Variants in FOXP4 observed in about 807,000 individuals in gnomAD.
FOXP4 encodes forkhead box P4.
Under a neutral mutation model 82.6 loss-of-function variants are expected in FOXP4, and 25 were observed. The ratio of observed to expected loss-of-function variants is 0.30; its 90% CI spans 0.22 to 0.42. The LOEUF is 0.42. FOXP4 is among the 10% of genes least tolerant of loss of function. The probability of loss-of-function intolerance (pLI) is 1.00; values close to 1 mark genes in which losing one functional copy is unlikely to be tolerated. For missense variants in FOXP4, 785 were observed against 900.9 expected, an observed-to-expected ratio of 0.87 and a Z score of 1.65; for synonymous variants, 415 against 388.2, an observed-to-expected ratio of 1.07 and a Z score of -0.81.
chr6:41,562,130 G>A (rs1329830180), intron 1 of FOXP4, among the ~76,000 whole-genome samples: 1 of 152,230 alleles, frequency 6.6e-6, no homozygotes, highest in African/African-American at 2.4e-5. Context: ...ACATGAGGCT[G>A]CTGGTGTGCT....
At chr6:41,556,559 T>C (rs867356164) in intron 1 of FOXP4, among the ~76,000 whole-genome samples, 11 of 152,198 alleles carry the variant, frequency 7.2e-5, no homozygotes, top group Middle Eastern at 3.4e-3. Context: ...CTCCTGACCT[T>C]GTGATCTGCC....
chr6:41,577,867 C>A (rs182686468), intron 2 of FOXP4, 119 bp from the exon 3 acceptor site: 2 of 669,036 alleles, frequency 3.0e-6, no homozygotes, highest in South Asian at 1.8e-5. Flanking sequence ...ATGACCCTCT[C>A]ACCCCCAAGA....
In FOXP4 at chr6:41,593,123, A is replaced by G. The variant is rs1766611576; in HGVS notation, c.1537-1747A>G. On this transcript the variant is annotated intron_variant, in intron 13 of 16. Coordinates refer to ENST00000307972, the MANE Select transcript of FOXP4 (RefSeq NM_001012426.2). The surrounding 1 kb of genome is among the most constrained non-coding windows in gnomAD (Gnocchi z 4.1). ...TGGTTTTTTTCAGCCAAATGCATTCATGTTACTTGGGAAATACACCATCTA... is the reference window on the plus strand; with the variant it reads ...TGGTTTTTTTCAGCCAAATGCATTCGTGTTACTTGGGAAATACACCATCTA... Among the ~76,000 whole-genome samples, 2 of 152,040 alleles carry G rather than the reference A, an allele frequency of 1.3e-5. No individual in the cohort carries two copies. Among genetic ancestry groups the G allele is most frequent in the South Asian group, 4.2e-4 (2 of 4,818 alleles).
intron 1 of FOXP4, among the ~76,000 whole-genome samples, chr6:41,550,527 C>G (rs1054689706): frequency 6.6e-6 from 1 of 152,200 alleles, no homozygotes; most frequent in Admixed American, 6.5e-5. Context: ...GGTAGCACAG[C>G]TGGAACTAAA....
intron 2 of FOXP4, among the ~76,000 whole-genome samples, chr6:41,572,127 T>G (rs975959975): frequency 2.6e-5 from 4 of 152,330 alleles, no homozygotes; most frequent in South Asian, 4.1e-4. Context: ...CTGGGACTTC[T>G]TCTCAGGCCA....
chr6:41,586,817 T>A (rs1038391283), intron 5 of FOXP4, among the ~76,000 whole-genome samples, 192 bp from the exon 6 acceptor site: 3 of 152,074 alleles, frequency 2.0e-5, no homozygotes, highest in Non-Finnish European at 4.4e-5. Context: ...TGCATGCGTG[T>A]GTTTACTGCG....
At chr6:41,553,380 T>C (rs1383732817) in intron 1 of FOXP4, among the ~76,000 whole-genome samples, 1 of 152,052 alleles carries the variant, frequency 6.6e-6, no homozygotes. Flanking sequence ...TGTGCCGCCA[T>C]CCCCCCTCCC....
rs192716420 is a variant in FOXP4, at chr6:41,584,648, A to G, written c.301-121A>G. 6.1e-5 allele frequency: 72 copies of G among 1,187,172 alleles called. 1 individual carries two copies. In the Admixed American group the frequency reaches 1.9e-3, roughly 31 times the overall value. 73.5% of individuals were successfully genotyped at this position (1,187,172 alleles called of 1,614,324 possible). A position where few individuals can be genotyped will look rare whatever the true frequency, so the allele number is the denominator to read the frequency against. On this transcript the variant is annotated intron_variant, in intron 3 of 16. Transcript: ENST00000307972. The stretch of plus-strand genomic sequence containing the variant: ...GAGACAGCCAGCAGGCAGCAGAGCC[A>G]GAATTGGAACCCAGGCAGCCTCCCT...
chr6:41,553,530 C>T (rs1284086631), intron 1 of FOXP4, among the ~76,000 whole-genome samples: 1 of 152,204 alleles, frequency 6.6e-6, no homozygotes, highest in Non-Finnish European at 1.5e-5. Context: ...GGACTGGGTA[C>T]TGGCTGGGAT....
At chr6:41,580,376 A>T (rs916717066) in intron 3 of FOXP4, among the ~76,000 whole-genome samples, 1 of 152,144 alleles carries the variant, frequency 6.6e-6, no homozygotes. Flanking sequence ...GTGCCCGGCC[A>T]GTAGAACTCA....
At chr6:41,550,976 G>A (rs1404629826) in intron 1 of FOXP4, among the ~76,000 whole-genome samples, 2 of 152,190 alleles carry the variant, frequency 1.3e-5, no homozygotes, top group African/African-American at 4.8e-5. Flanking sequence ...TCATCTCAAA[G>A]AAGCAAAAGG....
rs1261962716 is a variant in FOXP4, at chr6:41,591,473, G to A, written c.1536+151G>A. On this transcript the variant is annotated intron_variant, in intron 13 of 16. Coordinates refer to ENST00000307972, the MANE Select transcript of FOXP4 (RefSeq NM_001012426.2). This position sits in a 1 kb window ranked among gnomAD's most constrained non-coding sequence, Gnocchi z 4.2. ...GGCCCAGCCAGGGCTGCATGCCCACGCCCACCTCAGCAGGGGCTGTGGATT... is the reference window on the plus strand; with the variant it reads ...GGCCCAGCCAGGGCTGCATGCCCACACCCACCTCAGCAGGGGCTGTGGATT... The A allele has an allele frequency of 2.5e-5, 17 of 671,226 alleles. No individual in the cohort carries two copies. The highest frequency in any genetic ancestry group is 4.0e-5 in the Non-Finnish European group (15 of 378,270). 41.6% of individuals were successfully genotyped at this position (671,226 alleles called of 1,614,324 possible). A position where few individuals can be genotyped will look rare whatever the true frequency, so the allele number is the denominator to read the frequency against.
intron 1 of FOXP4, among the ~76,000 whole-genome samples, chr6:41,553,638 C>T (rs981611866): frequency 1.3e-5 from 2 of 152,136 alleles, no homozygotes; most frequent in African/African-American, 4.8e-5. Context: ...GGGAATTTGG[C>T]CGTGATCCTG....
At chr6:41,562,253 G>A (rs1376816732) in intron 1 of FOXP4, among the ~76,000 whole-genome samples, 1 of 152,180 alleles carries the variant, frequency 6.6e-6, no homozygotes, top group East Asian at 1.9e-4. Flanking sequence ...AGCATGGAAG[G>A]AGGTGTATGG....
rs1766445585 is a variant in FOXP4 at position 41,590,463 on chromosome 6, C to G, written c.1434+116C>G. ...GGCCAAGCAATGGAGCTGTCCCGCT[C>G]CCTCTCACGTGGCGGTCTTCCCTCT... is the stretch of plus-strand genomic sequence containing the variant. On this transcript the variant is annotated intron_variant, in intron 12 of 16. Transcript: ENST00000307972. 11 of 1,099,250 alleles carry G rather than the reference C, an allele frequency of 1.0e-5. No homozygotes were observed. In the South Asian group the frequency reaches 1.2e-4, roughly 12 times the overall value. The allele number at this position is 1,099,250 out of a possible 1,614,324, so 68.1% of individuals were successfully genotyped here.
chr6:41,570,473 T>A (rs2054594884), intron 2 of FOXP4: 76 of 450,114 alleles, frequency 1.7e-4, no homozygotes, highest in South Asian at 1.2e-3. Context: ...TCCCCCTTGT[T>A]GTACCCCTCC....
At position 41,597,846 on chromosome 6, in the gene FOXP4, C is replaced by T; in HGVS notation, c.1791C>T (p.Ala597=). 2 of 1,602,998 alleles carry T rather than the reference C, an allele frequency of 1.2e-6. No individual in the cohort carries two copies. The highest frequency in any genetic ancestry group is 1.7e-6 in the Non-Finnish European group (2 of 1,178,026). Residue 597 remains alanine, a synonymous_variant, in exon 16 of 17, where the codon GCC becomes GCT. Transcript: ENST00000307972. ...NSPGMLNPGS[A]SSLLPLSHDD... is the part of the protein sequence containing the mutation. ...CTGGCATGCTGAACCCTGGCTCCGC[C>T]AGCAGCCTGCTGCCCCTCAGCCACG...
Position 41,546,431 on chromosome 6 carries a change from C to T in FOXP4, c.-453C>T, listed in dbSNP as rs1763616077. ...CCCCTCGGAGTCCGGAGCCCGCCGT[C>T]CCTGCGGACCGGACAGTGCGGCCGG... On this transcript the variant is annotated 5_prime_UTR_variant, in exon 1 of 17. Coordinates refer to ENST00000307972, the MANE Select transcript of FOXP4 (RefSeq NM_001012426.2). 2.0e-5 allele frequency: 3 copies of T among 150,902 alleles called. No individual in the cohort carries two copies. In the South Asian group the frequency reaches 5.6e-4, roughly 28 times the overall value. The allele number at this position is 150,902 out of a possible 1,614,324, so 9.3% of individuals were successfully genotyped here. A position where few individuals can be genotyped will look rare whatever the true frequency, so the allele number is the denominator to read the frequency against.
chr6:41,577,140 AGCAATCTCCATAT>A (rs567709241), intron 2 of FOXP4, among the ~76,000 whole-genome samples: 140 of 152,128 alleles, frequency 9.2e-4, no homozygotes, highest in African/African-American at 3.2e-3. Context: ...TGATTCCTCC[AGCAATCTCCATAT>A]GCCTCCCACT....
Sources: allele counts gnomAD v4.1 joint callset (sites outside exome capture counted in the v4.1 genomes callset), GRCh38; gene constraint gnomAD v4.1.1; non-coding constraint Gnocchi (gnomAD v3.1); transcripts MANE v1.5; gene names NCBI Gene and HGNC (gene_info 2026-07-23, HGNC 2026-07-21).